Variants in TOX observed in about 807,000 individuals in gnomAD.
The protein encoded by TOX is thymocyte selection-associated high mobility group box protein TOX.
TOX carries 11 observed loss-of-function variants against 53.7 expected under a neutral mutation model. The ratio of observed to expected loss-of-function variants is 0.20; its 90% CI spans 0.13 to 0.34. The LOEUF is 0.34. Among genes scored for constraint, TOX ranks in the 10% least tolerant of loss-of-function variants. The pLI is 1.00. For synonymous variants in TOX, 225 were observed against 245.3 expected (o/e 0.92, Z 0.77); for missense variants, 570 against 664.6 (o/e 0.86, Z 1.56).
chr8:58,822,062 C>T (rs560822304), intron 6 of TOX, among the ~76,000 whole-genome samples: 2 of 152,246 alleles, frequency 1.3e-5, no homozygotes, highest in African/African-American at 4.8e-5. Flanking sequence ...GGCCTCCAAT[C>T]CTTATTTATA....
chr8:59,064,444 G>C (rs1804050859), intron 1 of TOX, among the ~76,000 whole-genome samples: 1 of 152,148 alleles, frequency 6.6e-6, no homozygotes, highest in Non-Finnish European at 1.5e-5. Context: ...CTTAACTCTG[G>C]ATAAAACTGC....
chr8:59,019,149 A>C (rs573289590), intron 1 of TOX, among the ~76,000 whole-genome samples: 1 of 152,296 alleles, frequency 6.6e-6, no homozygotes, highest in South Asian at 2.1e-4. Flanking sequence ...AATACTCAAC[A>C]TTCATTTGCT....
intron 1 of TOX, among the ~76,000 whole-genome samples, chr8:58,999,407 A>G (rs1320765446): frequency 7.0e-6 from 1 of 142,738 alleles, no homozygotes; most frequent in African/African-American, 2.9e-5. Context: ...GTCAAAGGAG[A>G]AAAAAAAAAG....
intron 1 of TOX, among the ~76,000 whole-genome samples, chr8:59,042,217 A>G (rs1377030191): frequency 1.3e-5 from 2 of 152,218 alleles, no homozygotes; most frequent in Non-Finnish European, 2.9e-5. Context: ...CTGCATGTCA[A>G]GGAGCCCTGA....
At chr8:59,097,496 T>G (rs1804732883) in intron 1 of TOX, among the ~76,000 whole-genome samples, 1 of 152,236 alleles carries the variant, frequency 6.6e-6, no homozygotes, top group Non-Finnish European at 1.5e-5. Context: ...AATTTCATTT[T>G]GCAGATGGGA....
At chr8:59,074,178 A>G (rs535196596) in intron 1 of TOX, among the ~76,000 whole-genome samples, 1 of 152,296 alleles carries the variant, frequency 6.6e-6, no homozygotes, top group Non-Finnish European at 1.5e-5. Flanking sequence ...TTAAGCTTCA[A>G]TTGAAGAGAG....
intron 3 of TOX, among the ~76,000 whole-genome samples, chr8:58,857,023 T>G (rs1327105638): frequency 6.6e-6 from 1 of 152,120 alleles, no homozygotes; most frequent in Non-Finnish European, 1.5e-5. Flanking sequence ...ATTATAAACT[T>G]TAAAAAGCTG....
intron 2 of TOX, among the ~76,000 whole-genome samples, chr8:58,956,261 C>G (rs1410735487): frequency 6.6e-6 from 1 of 152,142 alleles, no homozygotes; most frequent in East Asian, 1.9e-4. Context: ...ATTCTAGGAG[C>G]TGGAGAAGGG....
chr8:58,817,240 C>A (rs1310174021), intron 6 of TOX, among the ~76,000 whole-genome samples: 2 of 152,110 alleles, frequency 1.3e-5, no homozygotes, highest in Non-Finnish European at 1.5e-5. Flanking sequence ...ACTGTTGATG[C>A]AGCTTTCTGA....
At chr8:59,043,558 T>C (rs1180031940) in intron 1 of TOX, among the ~76,000 whole-genome samples, 2 of 152,208 alleles carry the variant, frequency 1.3e-5, no homozygotes, top group South Asian at 2.1e-4. Context: ...AGATCCTTTC[T>C]CTATAGACGG....
At chr8:58,920,721 T>TAAAAA (rs5891703) in intron 3 of TOX, among the ~76,000 whole-genome samples, 10 of 81,014 alleles carry the variant, frequency 1.2e-4, no homozygotes, top group South Asian at 5.7e-4. Context: ...AAAAAAACAT[T>TAAAAA]AAAAAAAAAA....
At position 58,974,039 on chromosome 8, in the gene TOX, A is replaced by G. The variant is rs1813049921; in HGVS notation, c.103-14031T>C. ...TCTTGAACTCCTGACCTCAGGTGAA[A>G]CACCTGCCTTGCCCTCCCAAAGTGC... On this transcript the variant is annotated intron_variant, in intron 1 of 8. Transcript: ENST00000361421. 1.3e-5 allele frequency among the ~76,000 whole-genome samples: 2 copies of G among 152,110 alleles called. 1 individual carries two copies. The highest frequency in any genetic ancestry group is 4.2e-4 in the South Asian group (2 of 4,800).
chr8:58,931,866 A>C (rs1471133362), intron 3 of TOX, among the ~76,000 whole-genome samples: 3 of 152,200 alleles, frequency 2.0e-5, no homozygotes, highest in Non-Finnish European at 4.4e-5. Context: ...CCTATATACC[A>C]AGTGAATCTT....
chr8:58,822,000 A>ACAGG (rs1489450689), intron 6 of TOX, among the ~76,000 whole-genome samples: 11 of 152,140 alleles, frequency 7.2e-5, no homozygotes, highest in Non-Finnish European at 1.2e-4. Flanking sequence ...ATGTCCTAGA[A>ACAGG]CAGGCTTCCT....
At chr8:58,909,850 G>T (rs1354175496) in intron 3 of TOX, among the ~76,000 whole-genome samples, 1 of 152,046 alleles carries the variant, frequency 6.6e-6, no homozygotes, top group African/African-American at 2.4e-5. Flanking sequence ...TAGAGACAGG[G>T]TTTGATCATG....
intron 1 of TOX, among the ~76,000 whole-genome samples, chr8:59,072,398 T>C (rs1481764418): frequency 6.6e-6 from 1 of 152,192 alleles, no homozygotes; most frequent in Non-Finnish European, 1.5e-5. Context: ...TGGACTCCAG[T>C]AGATTCAATG....
rs540971801 is a variant in TOX at position 59,024,394 on chromosome 8, CATTA to C, written c.103-64390_103-64387del. Among the ~76,000 whole-genome samples the C allele has an allele frequency of 3.3e-5, 5 of 152,272 alleles. No homozygotes were observed. In the South Asian group the frequency reaches 8.3e-4, roughly 25 times the overall value. ...GATAAATCAGAATTTTGGGTTGGAA[CATTA>C]ATTACTATAATTTTCCATAAAAGAA... On this transcript the variant is annotated intron_variant, in intron 1 of 8. Transcript: ENST00000361421.
intron 1 of TOX, among the ~76,000 whole-genome samples, chr8:59,037,715 T>C (rs377533241): frequency 1.3e-5 from 2 of 151,382 alleles, no homozygotes; most frequent in Admixed American, 1.3e-4. Flanking sequence ...AGCAGGAGAA[T>C]TGCTTGCACC....
At chr8:58,813,794 T>C (rs940674153) in intron 7 of TOX, among the ~76,000 whole-genome samples, 1 of 152,236 alleles carries the variant, frequency 6.6e-6, no homozygotes, top group Non-Finnish European at 1.5e-5. Context: ...CCCTTTGTTC[T>C]TCATAACGAC....
Sources: allele counts gnomAD v4.1 joint callset (sites outside exome capture counted in the v4.1 genomes callset), GRCh38; gene constraint gnomAD v4.1.1; transcripts MANE v1.5; gene names NCBI Gene and HGNC (gene_info 2026-07-23, HGNC 2026-07-21).